Variants in ZPBP observed in about 807,000 individuals in gnomAD.
ZPBP encodes zona pellucida binding protein.
Under a neutral mutation model 44.8 loss-of-function variants are expected in ZPBP, and 26 were observed. That is an observed-to-expected ratio of 0.58 (90% confidence interval 0.43 to 0.81). ZPBP has a LOEUF of 0.81. Ranked by LOEUF, ZPBP falls within the 30% of genes least tolerant of loss-of-function variation. The pLI is 0.00. For missense variants in ZPBP, 409 were observed against 434.0 expected (o/e 0.94, Z 0.51); for synonymous variants, 174 against 153.2 (o/e 1.14, Z -1.00).
chr7:49,900,377 G>C (rs1395306849), intron 2 of ZPBP, among the ~76,000 whole-genome samples: 1 of 151,610 alleles, frequency 6.6e-6, no homozygotes, highest in Non-Finnish European at 1.5e-5. Context: ...TAAAACAAAA[G>C]CTTGTTTATT....
intron 4 of ZPBP, among the ~76,000 whole-genome samples, chr7:50,050,242 A>AT (rs1176602451): frequency 2.6e-5 from 4 of 152,076 alleles, no homozygotes; most frequent in African/African-American, 9.7e-5. Flanking sequence ...GTTGATGCAC[A>AT]TAAGAATATT....
chr7:49,943,071 TC>T, intron 7 of ZPBP: 1 of 339,564 alleles, frequency 2.9e-6, no homozygotes, highest in Non-Finnish European at 5.8e-6. Flanking sequence ...AAGAAAGGAA[TC>T]CAGCCCTCTC....
intron 2 of ZPBP, among the ~76,000 whole-genome samples, chr7:49,858,002 C>A (rs77152891): frequency 0.038 from 5,712 of 152,202 alleles, 148 homozygotes; most frequent in Middle Eastern, 0.078. Flanking sequence ...TTATAGAGTT[C>A]CCCTGTAACC....
At position 49,872,798 on chromosome 7, in the gene ZPBP, C is replaced by T. The variant is rs576781939; in HGVS notation, n.510-22284G>A. 4.1e-5 allele frequency among the ~76,000 whole-genome samples: 6 copies of T among 147,858 alleles called. No individual in the cohort carries two copies. The South Asian group carries it at 1.1e-3, about 27-fold the overall frequency. On this transcript the variant is annotated intron_variant and non_coding_transcript_variant, in intron 2 of 2. Transcript: ENST00000465922. ...CGGTGTGGTGGCACACACCTGTAAT[C>T]CCAGCAACTTGGGATGTTGAAACAG...
chr7:50,014,626 G>A (rs555779200), intron 6 of ZPBP, among the ~76,000 whole-genome samples: 12 of 151,368 alleles, frequency 7.9e-5, no homozygotes, highest in South Asian at 6.3e-4. Flanking sequence ...CACCACGCCC[G>A]GCTATTTTTT....
chr7:49,941,964 A>C, intron 7 of ZPBP, among the ~76,000 whole-genome samples: 1 of 152,164 alleles, frequency 6.6e-6, no homozygotes, highest in East Asian at 1.9e-4. Flanking sequence ...CCTTGCATAC[A>C]GGGACAAATG....
At chr7:50,039,146 T>C (rs934424967) in intron 4 of ZPBP, among the ~76,000 whole-genome samples, 1 of 152,152 alleles carries the variant, frequency 6.6e-6, no homozygotes, top group Non-Finnish European at 1.5e-5. Flanking sequence ...AATAATTCAT[T>C]ATAAATATGT....
intron 3 of ZPBP, among the ~76,000 whole-genome samples, chr7:50,068,856 G>A (rs1038634136): frequency 2.2e-4 from 34 of 152,196 alleles, no homozygotes; most frequent in African/African-American, 8.2e-4. Flanking sequence ...ATGCCTCACA[G>A]TCTTTTATAA....
intron 7 of ZPBP, among the ~76,000 whole-genome samples, chr7:49,980,217 A>AT (rs1796767627): frequency 2.5e-5 from 3 of 121,270 alleles, no homozygotes; most frequent in African/African-American, 9.6e-5. Context: ...TATATAATAT[A>AT]AAATTATATA....
At position 49,985,905 on chromosome 7, in the gene ZPBP, C is replaced by A. The variant is rs185144607; in HGVS notation, c.784-2386G>T. Among the ~76,000 whole-genome samples the A allele has an allele frequency of 3.6e-3, 544 of 152,234 alleles. 2 individuals are homozygous for A. Among genetic ancestry groups the A allele is most frequent in the Middle Eastern group, 0.01 (3 of 294 alleles). ...CTTAAGCAGTGAGAAGAGACCTGGCCCCTTCAGCTGGTGTGTGTGGTGACC... is the reference window on the plus strand; with the variant it reads ...CTTAAGCAGTGAGAAGAGACCTGGCACCTTCAGCTGGTGTGTGTGGTGACC... On this transcript the variant is annotated intron_variant, in intron 6 of 7. Transcript: ENST00000046087.
chr7:50,015,338 T>A (rs936204535), intron 6 of ZPBP, among the ~76,000 whole-genome samples: 1 of 152,142 alleles, frequency 6.6e-6, no homozygotes, highest in African/African-American at 2.4e-5. Flanking sequence ...TGTGTTTCTA[T>A]ATAAAGCATA....
intron 1 of ZPBP, among the ~76,000 whole-genome samples, chr7:49,926,209 G>T (rs1794230049): frequency 6.6e-6 from 1 of 152,216 alleles, no homozygotes. Context: ...GAGAACAAGT[G>T]TGTCCCTGAT....
chr7:50,081,426 A>C (rs565199784), intron 3 of ZPBP, among the ~76,000 whole-genome samples: 2 of 151,922 alleles, frequency 1.3e-5, no homozygotes, highest in South Asian at 4.1e-4. Flanking sequence ...AAAAGTAAAA[A>C]GTAAAATCTG....
chr7:49,940,818 T>C, intron 7 of ZPBP: 5 of 984,804 alleles, frequency 5.1e-6, no homozygotes, highest in Non-Finnish European at 6.0e-6. Context: ...TGTATGAGAG[T>C]CCCATGCCTG....
rs188725899 is a variant in ZPBP, at chr7:49,969,730, T to C, written c.961+13612A>G. On this transcript the variant is annotated intron_variant, in intron 7 of 7. Transcript: ENST00000046087. The stretch of plus-strand genomic sequence containing the variant: ...ACAGCACTGTATAAAAATGAAAATA[T>C]ATGAGAATCTAGTTGGGTTTATTTC... Among the ~76,000 whole-genome samples the C allele has an allele frequency of 9.2e-5, 14 of 151,802 alleles. No individual in the cohort carries two copies. The East Asian group carries it at 2.5e-3, about 27-fold the overall frequency.
Position 49,885,538 on chromosome 7 carries a change from G to A in ZPBP, n.509+15580C>T, listed in dbSNP as rs536490459. Among the ~76,000 whole-genome samples, 4 of 152,200 alleles carry A rather than the reference G, an allele frequency of 2.6e-5. No individual in the cohort carries two copies. In the East Asian group the frequency reaches 7.7e-4, roughly 29 times the overall value. ...TATAATTAGGATTTTTTCTAATAACGTTTTTCAGTTACAAGAATTATCTAT... is the reference window on the plus strand; with the variant it reads ...TATAATTAGGATTTTTTCTAATAACATTTTTCAGTTACAAGAATTATCTAT... On this transcript the variant is annotated intron_variant and non_coding_transcript_variant, in intron 2 of 2. Coordinates refer to the ZPBP transcript ENST00000465922.
At chr7:50,033,651 A>T (rs1273190935) in intron 4 of ZPBP, among the ~76,000 whole-genome samples, 4 of 149,900 alleles carry the variant, frequency 2.7e-5, no homozygotes, top group Middle Eastern at 3.5e-3. Context: ...AGAGTCTATA[A>T]TAACGTCAAT....
rs1253742097 is a variant in ZPBP at position 49,981,305 on chromosome 7, A to ATTATATATTATATAATATATATTATATAT, written c.961+2036_961+2037insATATATAATATATATTATATAATATATAA. Among the ~76,000 whole-genome samples the ATTATATATTATATAATATATATTATATAT allele has an allele frequency of 1.4e-3, 83 of 58,130 alleles. 2 individuals carry two copies. The highest frequency in any genetic ancestry group is 4.0e-3 in the African/African-American group (78 of 19,292). The allele number at this position is 58,130 out of a possible 152,430, so 38.1% of individuals were successfully genotyped here. On this transcript the variant is annotated intron_variant, in intron 7 of 7. Transcript: ENST00000046087. The stretch of plus-strand genomic sequence containing the variant: ...ATATTATATAATATATATTATATAT[A>ATTATATATTATATAATATATATTATATAT]ATTATATATTATATAATATATATTA...
chr7:50,001,777 G>A (rs1798107183), intron 6 of ZPBP, among the ~76,000 whole-genome samples: 1 of 152,274 alleles, frequency 6.6e-6, no homozygotes, highest in African/African-American at 2.4e-5. Flanking sequence ...GACTTGCAAA[G>A]ATGGAAATTA....
Sources: gnomAD v4.1 joint callset for allele counts (sites outside exome capture counted in the v4.1 genomes callset) on GRCh38, gnomAD v4.1.1 for gene constraint, MANE v1.5 for transcripts, NCBI Gene and HGNC (gene_info 2026-07-23, HGNC 2026-07-21) for gene names.